Variants in SPTBN1 observed in about 807,000 individuals in gnomAD.
SPTBN1 encodes spectrin beta chain, non-erythrocytic 1.
A neutral mutation model predicts 266.4 loss-of-function variants in SPTBN1; 32 were observed. That is an observed-to-expected ratio of 0.12 (90% CI 0.09 to 0.16). The LOEUF is 0.16. Ranked by LOEUF, SPTBN1 falls within the 10% of genes least tolerant of loss-of-function variation. The pLI is 1.00. For synonymous variants in SPTBN1, 1,336 were observed against 1,162.2 expected, an observed-to-expected ratio of 1.15 and a Z score of -3.04; for missense variants, 2,296 against 3,067.1, an observed-to-expected ratio of 0.75 and a Z score of 5.94.
intron 1 of SPTBN1, among the ~76,000 whole-genome samples, chr2:54,458,968 C>T (rs548419045): frequency 4.3e-4 from 66 of 152,292 alleles, no homozygotes; most frequent in Non-Finnish European, 6.8e-4. Context: ...TTTTGAGTTT[C>T]TCTAATAGCC....
In SPTBN1 at chr2:54,655,984, A is replaced by G. The variant is rs778726348; in HGVS notation, c.6032A>G (p.Glu2011Gly). The G allele has an allele frequency of 1.2e-6, 2 of 1,612,984 alleles. No individual in the cohort carries two copies. Among genetic ancestry groups the G allele is most frequent in the Admixed American group, 3.3e-5 (2 of 60,004 alleles). The change falls in exon 29 of 36, where the codon GAA (glutamate) becomes GGA (glycine). Residue 2011 changes from glutamate (E) to glycine (G), a missense_variant. Physicochemically the swap from Glu to Gly is moderately conservative, Grantham distance 98. Around this residue, in one of 12 missense-constraint regions of SPTBN1, gnomAD observed 644 missense variants for 745.3 expected, o/e 0.86. Transcript: ENST00000356805. ...EMIDKWEDRW[E>G]WLRLILEVHQ... The stretch of plus-strand genomic sequence containing the variant: ...ATCGACAAGTGGGAAGACCGATGGG[A>G]ATGGTTAAGACTGAGTAAGGATGTA...
chr2:54,549,826 T>A (rs1194227541), intron 2 of SPTBN1, among the ~76,000 whole-genome samples: 1 of 152,010 alleles, frequency 6.6e-6, no homozygotes, highest in African/African-American at 2.4e-5. Flanking sequence ...AGCAGAGGCA[T>A]GGAAAGCCCA....
At chr2:54,517,804 C>A (rs1025724940) in intron 1 of SPTBN1, among the ~76,000 whole-genome samples, 26 of 152,184 alleles carry the variant, frequency 1.7e-4, no homozygotes, top group African/African-American at 6.3e-4. Context: ...CGCCACCTCG[C>A]CCAGCTAATT....
At chr2:54,625,574 A>G (rs925069154) in intron 11 of SPTBN1, among the ~76,000 whole-genome samples, 2 of 151,778 alleles carry the variant, frequency 1.3e-5, no homozygotes, top group African/African-American at 4.8e-5. Context: ...GGCGCGGGAA[A>G]TAGGTTTTTT....
At chr2:54,563,679 C>T (rs1415790911) in intron 2 of SPTBN1, among the ~76,000 whole-genome samples, 1 of 133,598 alleles carries the variant, frequency 7.5e-6, no homozygotes, top group Non-Finnish European at 1.5e-5. Context: ...TCTCGGCTCA[C>T]TGCAACCTCT....
At chr2:54,607,971 G>A (rs980067159) in intron 3 of SPTBN1, among the ~76,000 whole-genome samples, 8 of 152,132 alleles carry the variant, frequency 5.3e-5, no homozygotes, top group Non-Finnish European at 7.4e-5. Flanking sequence ...GACGTTTTCC[G>A]TACAGCACAT....
chr2:54,608,702 G>T lies in SPTBN1; in HGVS notation c.301-3459G>T, dbSNP rs375115687. 1.0e-3 allele frequency among the ~76,000 whole-genome samples: 154 copies of T among 151,258 alleles called. No individual in the cohort carries two copies. The Middle Eastern group carries it at 0.017, about 17-fold the overall frequency. Reference sequence around the variant, plus strand: ...TGTGCGTGTGTGTGCATGCGCGCACGAGTGCGCGCATGCACACACACAGTG... The same window carrying T: ...TGTGCGTGTGTGTGCATGCGCGCACTAGTGCGCGCATGCACACACACAGTG... On this transcript the variant is annotated intron_variant, in intron 3 of 35. Coordinates refer to ENST00000356805, the MANE Select transcript of SPTBN1 (RefSeq NM_003128.3).
In SPTBN1 at chr2:54,670,905, G is replaced by A. The variant is rs1476507335; in HGVS notation, c.*2336G>A. 6 of 398,044 alleles carry A rather than the reference G, an allele frequency of 1.5e-5. No homozygotes were observed. Among genetic ancestry groups the A allele is most frequent in the Non-Finnish European group, 2.2e-5 (5 of 225,978 alleles). The allele number at this position is 398,044 out of a possible 1,614,324, so 24.7% of individuals were successfully genotyped here. ...TGTTCGCCATCAGAGGTTACAGGCC[G>A]CACAGCCTGATGAGCTTCAAGCCTG... On this transcript the variant is annotated 3_prime_UTR_variant, in exon 36 of 36. Transcript: ENST00000356805.
At chr2:54,582,952 T>C (rs1414702308) in intron 2 of SPTBN1, among the ~76,000 whole-genome samples, 1 of 152,156 alleles carries the variant, frequency 6.6e-6, no homozygotes, top group Non-Finnish European at 1.5e-5. Context: ...AGAATTGAGT[T>C]TTAATGAAGT....
intron 1 of SPTBN1, among the ~76,000 whole-genome samples, chr2:54,513,911 T>C (rs1202345533): frequency 6.6e-6 from 1 of 152,254 alleles, no homozygotes; most frequent in Non-Finnish European, 1.5e-5. Context: ...AACTTTTCTC[T>C]CTAGATCTAT....
In SPTBN1 at chr2:54,628,219, C is replaced by G. The variant is rs748820230; in HGVS notation, c.1767C>G (p.Ala589=). 6.2e-7 allele frequency: 1 copy of G among 1,613,772 alleles called. No homozygotes were observed. Among genetic ancestry groups the G allele is most frequent in the East Asian group, 2.2e-5 (1 of 44,834 alleles). The change falls in exon 13 of 36, where the codon GCC becomes GCG. Residue 589 remains alanine (A), a synonymous_variant. Coordinates refer to ENST00000356805, the MANE Select transcript of SPTBN1 (RefSeq NM_003128.3). This position sits in a 1 kb window ranked among gnomAD's most constrained non-coding sequence, Gnocchi z 4.3. The stretch of plus-strand genomic sequence containing the variant: ...CAGAGCGGGTGAGAGGTGTCAATGC[C>G]TCCGCCCAGAAGTTCGCAACAGACG... ...IQAERVRGVN[A]SAQKFATDGE...
intron 2 of SPTBN1, among the ~76,000 whole-genome samples, chr2:54,555,071 C>G (rs563167141): frequency 1.1e-3 from 175 of 152,310 alleles, no homozygotes; most frequent in African/African-American, 3.9e-3. Flanking sequence ...TTAAGACCAT[C>G]TACCCTCTTT....
At chr2:54,617,800 G>C in intron 6 of SPTBN1, 112 bp downstream of exon 6, 3 of 1,030,014 alleles carry the variant, frequency 2.9e-6, no homozygotes, top group Non-Finnish European at 4.3e-6. Context: ...CACCGTGGTG[G>C]AAATTTCTGC....
rs534610237 is a variant in SPTBN1 at position 54,631,503 on chromosome 2, C to T, written c.3456C>T (p.Asn1152=). 1.7e-5 allele frequency: 28 copies of T among 1,614,218 alleles called. No individual in the cohort carries two copies. The highest frequency in any genetic ancestry group is 9.9e-5 in the South Asian group (9 of 91,090). The change falls in exon 16 of 36, where the codon AAC becomes AAT. Residue 1152 remains asparagine, a synonymous_variant. Transcript: ENST00000356805. ...TGCAGGCCCTGGACACTGGATGGAA[C>T]GAGCTCCACAAGATGTGGGAGAACA... is the stretch of plus-strand genomic sequence containing the variant. ...QRLQALDTGW[N]ELHKMWENRQ...
At chr2:54,606,331 T>TA (rs1676837670) in intron 3 of SPTBN1, among the ~76,000 whole-genome samples, 1 of 152,178 alleles carries the variant, frequency 6.6e-6, no homozygotes, top group South Asian at 2.1e-4. Context: ...GAGGGAGACT[T>TA]ATGAGAATGG....
chr2:54,465,165 C>A (rs564538034), intron 1 of SPTBN1, among the ~76,000 whole-genome samples: 1 of 152,268 alleles, frequency 6.6e-6, no homozygotes, highest in Admixed American at 6.5e-5. Flanking sequence ...AGCAATGATA[C>A]AGTGTGTAAG....
chr2:54,460,356 A>G (rs1265602036), intron 1 of SPTBN1, among the ~76,000 whole-genome samples: 1 of 152,196 alleles, frequency 6.6e-6, no homozygotes, highest in Non-Finnish European at 1.5e-5. Context: ...TGTTTAATAC[A>G]AAATTATTTT....
At position 54,629,768 on chromosome 2, in the gene SPTBN1, A is replaced by G. The variant is rs753170409; in HGVS notation, c.2634A>G (p.Pro878=). 34 of 1,610,766 alleles carry G rather than the reference A, an allele frequency of 2.1e-5. No homozygotes were observed. Among genetic ancestry groups the G allele is most frequent in the Non-Finnish European group, 2.9e-5 (34 of 1,179,698 alleles). The stretch of plus-strand genomic sequence containing the variant: ...AGTGGCTCAACAACATGCAGATCCC[A>G]GAGAAGCTGGAGGATCTGGAGGTCA... ...KEQWLNNMQI[P]EKLEDLEVIQ... is the part of the protein sequence containing the mutation. The change falls in exon 14 of 36, where the codon CCA becomes CCG. Residue 878 remains proline, a synonymous_variant. Transcript: ENST00000356805.
intron 1 of SPTBN1, among the ~76,000 whole-genome samples, chr2:54,519,244 G>A (rs563748379): frequency 2.6e-4 from 39 of 152,318 alleles, no homozygotes; most frequent in South Asian, 8.3e-4. Flanking sequence ...CCTGCTAGGA[G>A]TTATAAAGAC....
Sources: gnomAD v4.1 joint callset for allele counts (sites outside exome capture counted in the v4.1 genomes callset) on GRCh38, gnomAD v4.1.1 for gene constraint, gnomAD v4.1.1 regional missense constraint, Gnocchi (gnomAD v3.1) non-coding constraint, MANE v1.5 for transcripts, NCBI Gene and HGNC (gene_info 2026-07-23, HGNC 2026-07-21) for gene names.